LPIN2: variants seen among roughly 807,000 people sequenced by gnomAD.
LPIN2 encodes the protein lipin 2, also known as phosphatidate phosphatase LPIN2.
LPIN2 carries 55 observed loss-of-function variants against 111.4 expected under a neutral mutation model. That is an observed-to-expected ratio of 0.49 (90% CI 0.40 to 0.62). The LOEUF is 0.62. LPIN2 is among the 20% of genes least tolerant of loss of function. LPIN2 has a pLI of 0.00. For synonymous variants in LPIN2, 425 were observed against 414.0 expected (o/e 1.03, Z -0.32); for missense variants, 992 against 1,112.1 (o/e 0.89, Z 1.54).
At chr18:2,993,283 T>A (rs1300349873) in intron 1 of LPIN2, among the ~76,000 whole-genome samples, 1 of 152,184 alleles carries the variant, frequency 6.6e-6, no homozygotes, top group Non-Finnish European at 1.5e-5. Context: ...AAAACTCTAA[T>A]TGAAATGTAA....
At chr18:2,991,298 A>G (rs2078261712) in intron 1 of LPIN2, among the ~76,000 whole-genome samples, 1 of 152,232 alleles carries the variant, frequency 6.6e-6, no homozygotes, top group African/African-American at 2.4e-5. Flanking sequence ...AAAATTGTCA[A>G]CTTTTTTTAA....
intron 1 of LPIN2, among the ~76,000 whole-genome samples, chr18:2,972,064 A>T (rs1050361557): frequency 3.3e-5 from 5 of 152,124 alleles, no homozygotes; most frequent in African/African-American, 1.2e-4. Flanking sequence ...AAACAAAACA[A>T]AAAAACAAAA....
intron 1 of LPIN2, among the ~76,000 whole-genome samples, chr18:2,969,717 T>C (rs2077873366): frequency 1.3e-5 from 2 of 152,104 alleles, no homozygotes; most frequent in Admixed American, 6.6e-5. Context: ...AAATACACGC[T>C]CATGAACCCC....
rs745788736 is a variant in LPIN2, at chr18:2,937,664, C to A, written c.1168+28G>T. Reference sequence around the variant, plus strand: ...TAATTTACCATCTAATTTGAGAGTACCTGGAGCCAAATTAAACAAACGATT... The same window carrying A: ...TAATTTACCATCTAATTTGAGAGTAACTGGAGCCAAATTAAACAAACGATT... On this transcript the variant is annotated intron_variant, in intron 7 of 19. Transcript: ENST00000677752. 5 of 1,580,238 alleles carry A rather than the reference C, an allele frequency of 3.2e-6. No homozygotes were observed. In the South Asian group the frequency reaches 4.4e-5, roughly 14 times the overall value.
rs759778588 is a variant in LPIN2 at position 2,920,322 on chromosome 18, G to A, written c.2662C>T (p.Pro888Ser). The change falls in exon 20 of 20, where the codon CCT becomes TCT. Residue 888 changes from proline to serine, a missense_variant. Pro to Ser is a moderately conservative substitution (Grantham distance 74, BLOSUM62 -1). This residue lies in a region of LPIN2 where 185 missense variants were observed against 186.5 expected (regional missense o/e 0.99). Transcript: ENST00000677752. ...SSFCYWRDPI[P>S]EVDLDDLS is the part of the protein sequence containing the mutation. ...GACAGGTCATCCAGGTCCACTTCAGGGATCGGGTCTCGCCAGTAGCAGAAG... is the reference window on the plus strand; with the variant it reads ...GACAGGTCATCCAGGTCCACTTCAGAGATCGGGTCTCGCCAGTAGCAGAAG... 3.1e-6 allele frequency: 5 copies of A among 1,614,150 alleles called. No individual in the cohort carries two copies. Among genetic ancestry groups the A allele is most frequent in the Non-Finnish European group, 3.4e-6 (4 of 1,180,048 alleles).
At position 3,008,210 on chromosome 18, in the gene LPIN2, G is replaced by C. The variant is rs147472539; in HGVS notation, c.-10+4877C>G. Among the ~76,000 whole-genome samples the C allele has an allele frequency of 2.0e-3, 298 of 152,334 alleles. 1 individual carries two copies. The highest frequency in any genetic ancestry group is 6.8e-3 in the African/African-American group (282 of 41,566). ...TAATCCCAACACTTTCGGAGGCCAA[G>C]GTGGGTGGATCACTTGAGTCCAGGA... On this transcript the variant is annotated intron_variant, in intron 1 of 19. Coordinates refer to ENST00000677752, the MANE Select transcript of LPIN2 (RefSeq NM_001375808.2).
intron 1 of LPIN2, among the ~76,000 whole-genome samples, chr18:2,962,727 T>C (rs1222792074): frequency 6.6e-6 from 1 of 152,190 alleles, no homozygotes; most frequent in East Asian, 1.9e-4. Flanking sequence ...TTTACCTACA[T>C]GGCACACACA....
At chr18:2,931,185 CG>C in intron 9 of LPIN2, 70 bp downstream of exon 9, 1 of 1,509,076 alleles carries the variant, frequency 6.6e-7, no homozygotes, top group Non-Finnish European at 9.2e-7. Flanking sequence ...AATGGCTACA[CG>C]GTAAGTTTTA....
intron 1 of LPIN2, among the ~76,000 whole-genome samples, chr18:3,008,475 G>A (rs916278898): frequency 6.6e-5 from 10 of 152,154 alleles, no homozygotes; most frequent in African/African-American, 1.7e-4. Flanking sequence ...ATATTCTAAG[G>A]TCATTTATCC....
At chr18:3,008,879 GTT>G (rs76748358) in intron 1 of LPIN2, among the ~76,000 whole-genome samples, 1 of 123,280 alleles carries the variant, frequency 8.1e-6, no homozygotes. Flanking sequence ...CCACAGCTGT[GTT>G]TTTTTTTTTT....
chr18:2,951,105 T>G lies in LPIN2; in HGVS notation c.540A>C (p.Thr180=), dbSNP rs151135579. 3.7e-5 allele frequency: 59 copies of G among 1,614,112 alleles called. No homozygotes were observed. The highest frequency in any genetic ancestry group is 3.2e-5 in the Non-Finnish European group (38 of 1,180,046). The change falls in exon 4 of 20, where the codon ACA becomes ACC. Residue 180 remains threonine (T), a synonymous_variant. Coordinates refer to ENST00000677752, the MANE Select transcript of LPIN2 (RefSeq NM_001375808.2). ...CATCGGAGCTCACGCCTACATCACATGTGTCTTCTGCAGCAGCAGATGCGG... is the reference window on the plus strand; with the variant it reads ...CATCGGAGCTCACGCCTACATCACAGGTGTCTTCTGCAGCAGCAGATGCGG... ...EQAASAAAED[T]CDVGVSSDDD... is the part of the protein sequence containing the mutation.
In LPIN2 at chr18:2,917,991, T is replaced by C. The variant is rs557899873; in HGVS notation, c.*2302A>G. The C allele has an allele frequency of 6.6e-6, 1 of 152,326 alleles. No individual in the cohort carries two copies. The highest frequency in any genetic ancestry group is 1.9e-4 in the East Asian group (1 of 5,192). 9.4% of individuals were successfully genotyped at this position (152,326 alleles called of 1,614,324 possible). On this transcript the variant is annotated 3_prime_UTR_variant, in exon 20 of 20. Coordinates refer to ENST00000677752, the MANE Select transcript of LPIN2 (RefSeq NM_001375808.2). Reference sequence around the variant, plus strand: ...CTTTCACAGAAAGAACAAATGTCATTTGTACCAAATGGCAATGGATTTTCA... The same window carrying C: ...CTTTCACAGAAAGAACAAATGTCATCTGTACCAAATGGCAATGGATTTTCA...
chr18:3,006,170 A>G (rs2078512665), intron 1 of LPIN2, among the ~76,000 whole-genome samples: 1 of 152,318 alleles, frequency 6.6e-6, no homozygotes, highest in East Asian at 1.9e-4. Flanking sequence ...GTTCAATAAG[A>G]TAACTGTAAT....
chr18:2,958,146 A>T (rs2077644101), intron 2 of LPIN2, among the ~76,000 whole-genome samples: 1 of 120,688 alleles, frequency 8.3e-6, no homozygotes, highest in Non-Finnish European at 1.7e-5. Flanking sequence ...CATCTCAAAA[A>T]AAAAAAAAAA....
At chr18:2,987,669 T>C (rs148611823) in intron 1 of LPIN2, among the ~76,000 whole-genome samples, 1 of 152,184 alleles carries the variant, frequency 6.6e-6, no homozygotes, top group Non-Finnish European at 1.5e-5. Context: ...TTCAATTACT[T>C]AAAAATTTTT....
chr18:2,967,416 C>A, intron 1 of LPIN2, among the ~76,000 whole-genome samples: 1 of 152,130 alleles, frequency 6.6e-6, no homozygotes, highest in African/African-American at 2.4e-5. Flanking sequence ...GTAAAAACTT[C>A]CCCCCAAAAG....
At chr18:2,982,329 G>A (rs972109384) in intron 1 of LPIN2, among the ~76,000 whole-genome samples, 1 of 151,992 alleles carries the variant, frequency 6.6e-6, no homozygotes, top group Non-Finnish European at 1.5e-5. Context: ...AATGCAAAGA[G>A]AATGTGAAAC....
intron 1 of LPIN2, among the ~76,000 whole-genome samples, chr18:3,009,679 G>GATCC (rs1300997345): frequency 2.0e-5 from 3 of 152,072 alleles, no homozygotes; most frequent in Non-Finnish European, 2.9e-5. Context: ...GACCTCAGGT[G>GATCC]ATCCGCCCGC....
At chr18:2,943,433 T>C (rs1598549013) in intron 4 of LPIN2, among the ~76,000 whole-genome samples, 1 of 73,402 alleles carries the variant, frequency 1.4e-5, no homozygotes, top group South Asian at 3.3e-4. Context: ...AAGCTGCGTG[T>C]GTGTGTGTGT....
Sources: allele counts gnomAD v4.1 joint callset (sites outside exome capture counted in the v4.1 genomes callset), GRCh38; gene constraint gnomAD v4.1.1; regional missense constraint gnomAD v4.1.1; transcripts MANE v1.5; gene names NCBI Gene and HGNC (gene_info 2026-07-23, HGNC 2026-07-21).